The following RSRC1 variants were observed in gnomAD, a reference collection of about 807,000 sequenced individuals.
The protein encoded by RSRC1 is arginine and serine rich coiled-coil 1.
RSRC1 carries 39 observed loss-of-function variants against 49.1 expected under a neutral mutation model. That is an observed-to-expected ratio of 0.79 (90% CI 0.61 to 1.04). RSRC1 has a LOEUF of 1.04. RSRC1 is among the 50% of genes least tolerant of loss of function. The pLI is 0.00. For missense variants in RSRC1, 388 were observed against 402.4 expected (o/e 0.96, Z 0.31); for synonymous variants, 143 against 130.8 (o/e 1.09, Z -0.63).
At chr3:158,412,929 A>G (rs1413596322) in intron 6 of RSRC1, among the ~76,000 whole-genome samples, 1 of 152,236 alleles carries the variant, frequency 6.6e-6, no homozygotes, top group African/African-American at 2.4e-5. Flanking sequence ...GGTAATTTAT[A>G]GATTCAATTC....
intron 6 of RSRC1, among the ~76,000 whole-genome samples, chr3:158,386,566 A>C (rs1732976978): frequency 6.6e-6 from 1 of 152,036 alleles, no homozygotes; most frequent in Non-Finnish European, 1.5e-5. Flanking sequence ...TATGACCAAC[A>C]CACTATTATT....
chr3:158,309,603 C>T (rs1728020227), intron 5 of RSRC1, among the ~76,000 whole-genome samples: 1 of 151,708 alleles, frequency 6.6e-6, no homozygotes, highest in African/African-American at 2.4e-5. Context: ...ATTAGAAGTA[C>T]ATTGCTAGAT....
At chr3:158,152,271 C>T (rs759935020) in intron 3 of RSRC1, among the ~76,000 whole-genome samples, 2 of 151,868 alleles carry the variant, frequency 1.3e-5, no homozygotes, top group African/African-American at 2.4e-5. Flanking sequence ...GTGTCTGTGC[C>T]GTATTGATTT....
intron 1 of RSRC1, 43 bp from the exon 2 acceptor site, chr3:158,122,060 G>A (rs2108164402): frequency 1.7e-6 from 2 of 1,175,384 alleles, no homozygotes. Context: ...CATCCATTGT[G>A]CCACCATGTT....
chr3:158,143,022 T>G (rs932632826), intron 3 of RSRC1, among the ~76,000 whole-genome samples: 1 of 152,200 alleles, frequency 6.6e-6, no homozygotes, highest in Admixed American at 6.5e-5. Flanking sequence ...CCAATACAGG[T>G]ATTTAAAAAA....
intron 7 of RSRC1, among the ~76,000 whole-genome samples, chr3:158,501,662 A>G (rs1212675156): frequency 3.9e-5 from 6 of 152,172 alleles, no homozygotes; most frequent in Non-Finnish European, 7.3e-5. Context: ...TGATATAAGA[A>G]TAGCTACCCC....
chr3:158,177,983 G>A (rs1241956377), intron 3 of RSRC1, among the ~76,000 whole-genome samples: 3 of 152,120 alleles, frequency 2.0e-5, no homozygotes, highest in Non-Finnish European at 4.4e-5. Context: ...GTGTCCGATA[G>A]GAGTTTGTCA....
intron 3 of RSRC1, among the ~76,000 whole-genome samples, chr3:158,172,901 A>G (rs967553330): frequency 6.6e-6 from 1 of 152,236 alleles, no homozygotes; most frequent in Non-Finnish European, 1.5e-5. Flanking sequence ...AATTTGTGCT[A>G]ATCATTTGCT....
intron 6 of RSRC1, among the ~76,000 whole-genome samples, chr3:158,374,070 C>A (rs1345472074): frequency 6.6e-6 from 1 of 152,000 alleles, no homozygotes; most frequent in Non-Finnish European, 1.5e-5. Context: ...AAACACTGAA[C>A]CAACTTTATT....
At chr3:158,136,435 T>C (rs1160616956) in intron 3 of RSRC1, among the ~76,000 whole-genome samples, 1 of 152,020 alleles carries the variant, frequency 6.6e-6, no homozygotes, top group Non-Finnish European at 1.5e-5. Context: ...CTTGCTCCCC[T>C]ACAGAGCTCT....
intron 6 of RSRC1, among the ~76,000 whole-genome samples, chr3:158,457,742 T>TTG (rs368795502): frequency 0.063 from 7,829 of 124,478 alleles, 226 homozygotes; most frequent in South Asian, 0.11. Context: ...TTTTTTTTGT[T>TTG]TTTTTTTTTT....
At chr3:158,391,827 A>C (rs1356959772) in intron 6 of RSRC1, among the ~76,000 whole-genome samples, 1 of 152,088 alleles carries the variant, frequency 6.6e-6, no homozygotes, top group Non-Finnish European at 1.5e-5. Context: ...GACATTTCAA[A>C]AATAGCTAGT....
chr3:158,161,956 G>C (rs1229570980), intron 3 of RSRC1, among the ~76,000 whole-genome samples: 1 of 151,996 alleles, frequency 6.6e-6, no homozygotes, highest in South Asian at 2.1e-4. Flanking sequence ...CTCCAGCTTG[G>C]GTGACGGAGT....
intron 5 of RSRC1, among the ~76,000 whole-genome samples, chr3:158,354,517 T>A (rs749352248): frequency 3.3e-5 from 5 of 152,216 alleles, no homozygotes; most frequent in Non-Finnish European, 7.3e-5. Context: ...CATAGATTGC[T>A]TGCCTGTTTC....
At chr3:158,373,086 TAA>T (rs555761775) in intron 6 of RSRC1, among the ~76,000 whole-genome samples, 1 of 151,924 alleles carries the variant, frequency 6.6e-6, no homozygotes, top group South Asian at 2.1e-4. Context: ...TACTAGTTTT[TAA>T]AAGATTCATT....
At chr3:158,498,480 G>A (rs1739449236) in intron 7 of RSRC1, among the ~76,000 whole-genome samples, 1 of 152,038 alleles carries the variant, frequency 6.6e-6, no homozygotes, top group South Asian at 2.1e-4. Context: ...TCCTTTGTCA[G>A]ATGTGTAGAT....
chr3:158,170,576 A>G (rs1338390076), intron 3 of RSRC1, among the ~76,000 whole-genome samples: 1 of 152,162 alleles, frequency 6.6e-6, no homozygotes, highest in Non-Finnish European at 1.5e-5. Context: ...AGGATACTCA[A>G]AACTTAAAGA....
At chr3:158,147,346 TC>T (rs1381351897) in intron 3 of RSRC1, among the ~76,000 whole-genome samples, 82 of 151,982 alleles carry the variant, frequency 5.4e-4, no homozygotes, top group African/African-American at 1.8e-3. Flanking sequence ...GCTCAATTGA[TC>T]CTCTCATCTC....
intron 4 of RSRC1, among the ~76,000 whole-genome samples, chr3:158,257,483 G>A (rs1724632188): frequency 6.6e-6 from 1 of 151,890 alleles, no homozygotes; most frequent in South Asian, 2.1e-4. Context: ...TTTTTTATTA[G>A]CATAGAATAT....
Sources: gnomAD v4.1 joint callset for allele counts (sites outside exome capture counted in the v4.1 genomes callset) on GRCh38, gnomAD v4.1.1 for gene constraint, MANE v1.5 for transcripts, NCBI Gene and HGNC (gene_info 2026-07-23, HGNC 2026-07-21) for gene names.